Variants in NCS1 observed in about 807,000 individuals in gnomAD.
NCS1 encodes frequenin homolog.
Under a neutral mutation model 28.4 loss-of-function variants are expected in NCS1, and 6 were observed. That is an observed-to-expected ratio of 0.21 (90% CI 0.12 to 0.42). The LOEUF (loss-of-function observed/expected upper bound fraction) is 0.42, where lower values mean the gene tolerates loss of function less well. Ranked by LOEUF, NCS1 falls within the 10% of genes least tolerant of loss-of-function variation. NCS1 has a pLI of 1.00. For missense variants in NCS1, 131 were observed against 241.4 expected (o/e 0.54, Z 3.03); for synonymous variants, 86 against 99.3 (o/e 0.87, Z 0.79).
At chr9:130,198,056 C>T (rs1177206014) in intron 1 of NCS1, among the ~76,000 whole-genome samples, 1 of 152,110 alleles carries the variant, frequency 6.6e-6, no homozygotes, top group Non-Finnish European at 1.5e-5. Flanking sequence ...GGGATACCTG[C>T]CAGCCTCAAC....
rs369646169 is a variant in NCS1 at position 130,186,596 on chromosome 9, C to T, written c.64+13869C>T. 3.9e-5 allele frequency among the ~76,000 whole-genome samples: 6 copies of T among 152,146 alleles called. No individual in the cohort carries two copies. Among genetic ancestry groups the T allele is most frequent in the African/African-American group, 1.2e-4 (5 of 41,434 alleles). On this transcript the variant is annotated intron_variant, in intron 1 of 7. Coordinates refer to ENST00000372398, the MANE Select transcript of NCS1 (RefSeq NM_014286.4). This position sits in a 1 kb window ranked among gnomAD's most constrained non-coding sequence, Gnocchi z 4.1. ...CCTCACCTTCCAGGGCTCCCGAACC[C>T]CCAGCCCCAGGAAGGGGTGGGAGAC... is the stretch of plus-strand genomic sequence containing the variant.
intron 4 of NCS1, among the ~76,000 whole-genome samples, chr9:130,220,430 A>G (rs1198055873): frequency 1.3e-5 from 2 of 151,068 alleles, no homozygotes; most frequent in East Asian, 3.9e-4. Flanking sequence ...AGGAGGAGAG[A>G]GGGAGTTGTG....
chr9:130,222,620 G>A, intron 4 of NCS1, 30 bp from the exon 5 acceptor site: 1 of 1,605,684 alleles, frequency 6.2e-7, no homozygotes. Flanking sequence ...CCCCAGCCCA[G>A]GATCACTCAG....
At chr9:130,222,511 T>A in intron 4 of NCS1, 139 bp from the exon 5 acceptor site, 2 of 711,664 alleles carry the variant, frequency 2.8e-6, no homozygotes, top group South Asian at 3.0e-5. Flanking sequence ...TCTATCCTGA[T>A]GTAAATATTA....
rs563117674 is a variant in NCS1 at position 130,186,106 on chromosome 9, G to T, written c.64+13379G>T. Reference sequence around the variant, plus strand: ...GTGGGGGGCATGTGTGGCCAAACGGGTTCCTGGGCCACCTTGCCAGCCCTC... The same window carrying T: ...GTGGGGGGCATGTGTGGCCAAACGGTTTCCTGGGCCACCTTGCCAGCCCTC... On this transcript the variant is annotated intron_variant, in intron 1 of 7. Coordinates refer to ENST00000372398, the MANE Select transcript of NCS1 (RefSeq NM_014286.4). The surrounding 1 kb of genome is among the most constrained non-coding windows in gnomAD (Gnocchi z 4.1). Among the ~76,000 whole-genome samples, 1 of 152,310 alleles carries T rather than the reference G, an allele frequency of 6.6e-6. No homozygotes were observed. The highest frequency in any genetic ancestry group is 1.9e-4 in the East Asian group (1 of 5,178).
At chr9:130,173,600 C>T (rs1347604818) in intron 1 of NCS1, among the ~76,000 whole-genome samples, 1 of 152,186 alleles carries the variant, frequency 6.6e-6, no homozygotes, top group Non-Finnish European at 1.5e-5. Context: ...AGGGGATTGC[C>T]AGAGGGAAGG....
rs1452024927 is a variant in NCS1 at position 130,209,366 on chromosome 9, G to A, written c.89+8384G>A. On this transcript the variant is annotated intron_variant, in intron 2 of 7. Transcript: ENST00000372398. The surrounding 1 kb of genome is among the most constrained non-coding windows in gnomAD (Gnocchi z 4.4). ...TCGGGGGAAGTCCTAGAGGACCGGG[G>A]CGTTTGGGAGACTGAGGCCTGGCAG... Among the ~76,000 whole-genome samples the A allele has an allele frequency of 1.3e-5, 2 of 152,206 alleles. No individual in the cohort carries two copies. The highest frequency in any genetic ancestry group is 4.8e-5 in the African/African-American group (2 of 41,456).
intron 7 of NCS1, among the ~76,000 whole-genome samples, chr9:130,227,022 C>CAAAAAAA: frequency 2.3e-5 from 1 of 42,714 alleles, no homozygotes; most frequent in Middle Eastern, 0.012. Flanking sequence ...GACTCCATCT[C>CAAAAAAA]AAAAAAAAAA....
At chr9:130,212,734 C>G (rs1329653885) in intron 2 of NCS1, among the ~76,000 whole-genome samples, 2 of 151,726 alleles carry the variant, frequency 1.3e-5, no homozygotes, top group African/African-American at 4.8e-5. Flanking sequence ...GATGGAGTCA[C>G]GTCTCTCAGG....
At chr9:130,221,403 TATATATATATAGAGAGAGAGAGAGAGAG>T (rs1173531859) in intron 4 of NCS1, among the ~76,000 whole-genome samples, 3 of 42,300 alleles carry the variant, frequency 7.1e-5, no homozygotes, top group Non-Finnish European at 1.4e-4. Context: ...TATATATATA[TATATATATATAGAGAGAGAGAGAGAGAG>T]AGAGAGAGAG....
intron 1 of NCS1, among the ~76,000 whole-genome samples, chr9:130,189,879 A>AAAAAAAAAAAATAT (rs1554906056): frequency 5.3e-5 from 2 of 37,746 alleles, no homozygotes; most frequent in African/African-American, 2.3e-4. Flanking sequence ...AAAAAAAAAA[A>AAAAAAAAAAAATAT]ATATATATAT....
rs1833599741 is a variant in NCS1, at chr9:130,236,686, C to A, written c.*3714C>A. 6.6e-6 allele frequency: 1 copy of A among 152,486 alleles called. No homozygotes were observed. Among genetic ancestry groups the A allele is most frequent in the Admixed American group, 6.5e-5 (1 of 15,270 alleles). The allele number at this position is 152,486 out of a possible 1,614,324, so 9.4% of individuals were successfully genotyped here. On this transcript the variant is annotated 3_prime_UTR_variant, in exon 8 of 8. Coordinates refer to ENST00000372398, the MANE Select transcript of NCS1 (RefSeq NM_014286.4). Reference sequence around the variant, plus strand: ...CATCCAGGCTCAGGCTCTGCCCCTTCTCCAGGATGGGGTAGCCCCGAGTCG... The same window carrying A: ...CATCCAGGCTCAGGCTCTGCCCCTTATCCAGGATGGGGTAGCCCCGAGTCG...
chr9:130,189,058 G>A (rs1433885797), intron 1 of NCS1, among the ~76,000 whole-genome samples: 1 of 152,200 alleles, frequency 6.6e-6, no homozygotes, highest in Non-Finnish European at 1.5e-5. Context: ...AGCTGTGTGG[G>A]TGTGTGCTAA....
Position 130,236,309 on chromosome 9 carries a change from G to T in NCS1, c.*3337G>T, listed in dbSNP as rs782399284. On this transcript the variant is annotated 3_prime_UTR_variant, in exon 8 of 8. Transcript: ENST00000372398. ...AGCATTTAATTTTAAGGGAGCTAAG[G>T]AAGCGCGGCGCGCCCCCTGGTGGTG... 3.3e-5 allele frequency: 5 copies of T among 152,150 alleles called. No individual in the cohort carries two copies. The highest frequency in any genetic ancestry group is 6.5e-5 in the Admixed American group (1 of 15,282). 9.4% of individuals were successfully genotyped at this position (152,150 alleles called of 1,614,324 possible). A position where few individuals can be genotyped will look rare whatever the true frequency, so the allele number is the denominator to read the frequency against.
chr9:130,199,676 C>T (rs376448251), intron 1 of NCS1, among the ~76,000 whole-genome samples: 22 of 152,350 alleles, frequency 1.4e-4, no homozygotes, highest in African/African-American at 4.6e-4. Flanking sequence ...CACAGAGGCC[C>T]GCCCTGGGCG....
chr9:130,216,373 G>T (rs1385616585), intron 2 of NCS1, among the ~76,000 whole-genome samples: 1 of 152,150 alleles, frequency 6.6e-6, no homozygotes, highest in Non-Finnish European at 1.5e-5. Flanking sequence ...CGGGCTTCGA[G>T]GACTTGCAAA....
chr9:130,225,776 A>C (rs1833404391), intron 6 of NCS1, among the ~76,000 whole-genome samples: 1 of 152,046 alleles, frequency 6.6e-6, no homozygotes, highest in Non-Finnish European at 1.5e-5. Flanking sequence ...TTCGGCACTT[A>C]CCCTCTCTGG....
intron 1 of NCS1, chr9:130,200,335 A>G (rs1832924276): frequency 1.1e-5 from 6 of 558,158 alleles, no homozygotes; most frequent in Non-Finnish European, 1.6e-5. Flanking sequence ...AAGAATGGGT[A>G]TGTGGGCTTG....
At chr9:130,199,382 C>G (rs1303465461) in intron 1 of NCS1, among the ~76,000 whole-genome samples, 1 of 152,196 alleles carries the variant, frequency 6.6e-6, no homozygotes, top group Non-Finnish European at 1.5e-5. Context: ...CGTGAGCCAC[C>G]GTGCCTGACC....
Sources: gnomAD v4.1 joint callset for allele counts (sites outside exome capture counted in the v4.1 genomes callset) on GRCh38, gnomAD v4.1.1 for gene constraint, Gnocchi (gnomAD v3.1) non-coding constraint, MANE v1.5 for transcripts, NCBI Gene and HGNC (gene_info 2026-07-23, HGNC 2026-07-21) for gene names.